The following CNTNAP2 variants were observed in gnomAD, a reference collection of about 807,000 sequenced individuals.
CNTNAP2 encodes contactin associated protein 2.
CNTNAP2 carries 98 observed loss-of-function variants against 155.2 expected under a neutral mutation model. That is an observed-to-expected ratio of 0.63 (90% CI 0.54 to 0.75). CNTNAP2 has a LOEUF of 0.75. Among genes scored for constraint, CNTNAP2 ranks in the 30% least tolerant of loss-of-function variants. CNTNAP2 has a pLI of 0.00. For synonymous variants in CNTNAP2, 651 were observed against 631.2 expected (o/e 1.03, Z -0.47); for missense variants, 1,727 against 1,688.1 (o/e 1.02, Z -0.40).
At chr7:147,319,341 T>C (rs867367538) in intron 9 of CNTNAP2, among the ~76,000 whole-genome samples, 1 of 152,100 alleles carries the variant, frequency 6.6e-6, no homozygotes, top group African/African-American at 2.4e-5. Context: ...ACTAAATACA[T>C]TGTTTCTTTT....
At chr7:147,885,469 T>G (rs368339831) in intron 13 of CNTNAP2, among the ~76,000 whole-genome samples, 2 of 152,350 alleles carry the variant, frequency 1.3e-5, no homozygotes, top group East Asian at 3.9e-4. Flanking sequence ...TTTCCTTCTT[T>G]GTCAATTTCT....
chr7:147,757,863 G>A (rs185132266), intron 13 of CNTNAP2, among the ~76,000 whole-genome samples: 21 of 152,188 alleles, frequency 1.4e-4, no homozygotes, highest in Admixed American at 1.1e-3. Flanking sequence ...GCAAGTTGCC[G>A]TCTTGATTAC....
rs538924950 is a variant in CNTNAP2, at chr7:148,077,747, AT to A, written c.2384-40369del. 2.4e-4 allele frequency among the ~76,000 whole-genome samples: 37 copies of A among 152,360 alleles called. No individual in the cohort carries two copies. The South Asian group carries it at 7.7e-3, about 32-fold the overall frequency. The stretch of plus-strand genomic sequence containing the variant: ...ACCTGGCTAATTGTAACTCTTTAGA[AT>A]TGGCCTAAACTAGAAAATAAACAAG... On this transcript the variant is annotated intron_variant, in intron 15 of 23. Transcript: ENST00000361727.
intron 20 of CNTNAP2, among the ~76,000 whole-genome samples, chr7:148,250,298 G>A (rs1796340658): frequency 6.6e-6 from 1 of 152,136 alleles, no homozygotes; most frequent in Non-Finnish European, 1.5e-5. Context: ...TAATTTGAGG[G>A]AAAAGACTTC....
intron 2 of CNTNAP2, among the ~76,000 whole-genome samples, chr7:146,829,323 A>G (rs997085014): frequency 2.0e-5 from 3 of 152,024 alleles, no homozygotes; most frequent in Admixed American, 1.3e-4. Flanking sequence ...TCTGGATATT[A>G]TCAGCACTGT....
intron 1 of CNTNAP2, among the ~76,000 whole-genome samples, chr7:146,768,418 C>CG (rs887138338): frequency 2.6e-5 from 4 of 151,650 alleles, no homozygotes; most frequent in Non-Finnish European, 4.4e-5. Context: ...TGTGTGCCCC[C>CG]CCACATTTCT....
At chr7:147,336,038 A>G (rs75265865) in intron 9 of CNTNAP2, among the ~76,000 whole-genome samples, 1,873 of 152,204 alleles carry the variant, frequency 0.012, 43 homozygotes, top group African/African-American at 0.042. Flanking sequence ...TTTTTCTCAA[A>G]TTTTCAGCTT....
At chr7:148,184,035 T>A (rs1460247276) in intron 18 of CNTNAP2, among the ~76,000 whole-genome samples, 1 of 152,280 alleles carries the variant, frequency 6.6e-6, no homozygotes, top group East Asian at 1.9e-4. Flanking sequence ...TTTCCCTTAC[T>A]CCCACCTCCA....
intron 21 of CNTNAP2, among the ~76,000 whole-genome samples, chr7:148,298,474 G>C (rs2116494626): frequency 6.6e-6 from 1 of 152,136 alleles, no homozygotes; most frequent in East Asian, 1.9e-4. Context: ...TCTCCTCCCT[G>C]CTTTATTCTA....
chr7:147,079,922 G>C (rs912145342), intron 4 of CNTNAP2, among the ~76,000 whole-genome samples: 1 of 151,214 alleles, frequency 6.6e-6, no homozygotes, highest in Non-Finnish European at 1.5e-5. Context: ...ACTTCATACT[G>C]AGACTCAGAA....
intron 1 of CNTNAP2, among the ~76,000 whole-genome samples, chr7:146,637,797 G>T (rs1041852761): frequency 6.6e-6 from 1 of 152,064 alleles, no homozygotes; most frequent in Non-Finnish European, 1.5e-5. Context: ...ATTTGAAATG[G>T]CAAAATACTA....
intron 8 of CNTNAP2, among the ~76,000 whole-genome samples, chr7:147,220,001 G>T (rs1458771498): frequency 6.7e-6 from 1 of 148,748 alleles, no homozygotes; most frequent in Non-Finnish European, 1.5e-5. Flanking sequence ...GTGTTAGCCA[G>T]GATGGTCTCT....
intron 1 of CNTNAP2, among the ~76,000 whole-genome samples, chr7:146,681,031 T>C (rs918346190): frequency 6.6e-6 from 1 of 152,166 alleles, no homozygotes; most frequent in Non-Finnish European, 1.5e-5. Context: ...GAGCTACTAA[T>C]TTCCAAATGC....
At chr7:146,275,199 C>T (rs2129083965) in intron 1 of CNTNAP2, among the ~76,000 whole-genome samples, 1 of 152,202 alleles carries the variant, frequency 6.6e-6, no homozygotes, top group African/African-American at 2.4e-5. Flanking sequence ...TCACATGGAT[C>T]TTTTGTCATG....
rs1554451511 is a variant in CNTNAP2, at chr7:147,933,085, G to GTTTGTTTT, written c.2255+29371_2255+29372insTTTTGTTT. On this transcript the variant is annotated intron_variant, in intron 14 of 23. Transcript: ENST00000361727. ...TGTTTGTTTGTTTGTTTGTTTGTTT[G>GTTTGTTTT]TTTGTTTGTTTTGAGACAGAATCTT... 7.3e-4 allele frequency among the ~76,000 whole-genome samples: 110 copies of GTTTGTTTT among 151,128 alleles called. 1 individual carries two copies. In the Middle Eastern group the frequency reaches 0.01, roughly 14 times the overall value.
At chr7:147,651,738 C>A (rs1282259639) in intron 13 of CNTNAP2, among the ~76,000 whole-genome samples, 1 of 152,162 alleles carries the variant, frequency 6.6e-6, no homozygotes, top group African/African-American at 2.4e-5. Flanking sequence ...AGTCAAAAGA[C>A]AAAGACTCCT....
intron 8 of CNTNAP2, among the ~76,000 whole-genome samples, chr7:147,135,661 A>C (rs1383889452): frequency 6.8e-6 from 1 of 146,682 alleles, no homozygotes; most frequent in Admixed American, 6.7e-5. Context: ...AAGTACAGTA[A>C]GAAAATATTT....
intron 1 of CNTNAP2, among the ~76,000 whole-genome samples, chr7:146,745,539 T>C (rs1801794709): frequency 6.6e-6 from 1 of 152,004 alleles, no homozygotes; most frequent in Non-Finnish European, 1.5e-5. Context: ...GAGGCCAAGG[T>C]GGGTGTATCA....
At chr7:146,581,739 A>T (rs1056859475) in intron 1 of CNTNAP2, among the ~76,000 whole-genome samples, 3 of 152,056 alleles carry the variant, frequency 2.0e-5, no homozygotes, top group African/African-American at 7.2e-5. Flanking sequence ...AATGAAATTT[A>T]TGTTTTAAGC....
Sources: gnomAD v4.1 joint callset for allele counts (sites outside exome capture counted in the v4.1 genomes callset) on GRCh38, gnomAD v4.1.1 for gene constraint, MANE v1.5 for transcripts, NCBI Gene and HGNC (gene_info 2026-07-23, HGNC 2026-07-21) for gene names.